FAAP20: variants seen among roughly 807,000 people sequenced by gnomAD.
The protein encoded by FAAP20 is FA core complex associated protein 20, also known as Fanconi anemia core complex-associated protein 20.
Under a neutral mutation model 16.2 loss-of-function variants are expected in FAAP20, and 12 were observed. The observed-to-expected ratio is 0.74, with a 90% CI of 0.48 to 1.20. The LOEUF (loss-of-function observed/expected upper bound fraction) is 1.20. Among genes scored for constraint, FAAP20 ranks in the 50% most tolerant of loss-of-function variants. The probability of loss-of-function intolerance (pLI) is 0.00; values close to 1 mark genes in which losing one functional copy is unlikely to be tolerated. For missense variants in FAAP20, 288 were observed against 245.8 expected (o/e 1.17, Z -1.15); for synonymous variants, 141 against 110.7 (o/e 1.27, Z -1.72).
downstream of FAAP20, chr1:2,189,428 G>C: frequency 1.9e-6 from 1 of 518,200 alleles, no homozygotes; most frequent in Non-Finnish European, 3.5e-6. Flanking sequence ...CCCGTCCGCT[G>C]TCCACAGTGG....
downstream of FAAP20, chr1:2,185,020 G>A (rs375333957): frequency 5.2e-5 from 84 of 1,605,646 alleles, no homozygotes; most frequent in Non-Finnish European, 6.8e-5. Context: ...GGCCGCGTGC[G>A]TCTCTGTCGT....
chr1:2,202,490 G>A (rs540132577), upstream of FAAP20, among the ~76,000 whole-genome samples: 3 of 152,142 alleles, frequency 2.0e-5, no homozygotes, highest in East Asian at 5.8e-4. Context: ...TTGAGACAGA[G>A]TCTCCCTCTG....
chr1:2,211,616 T>G (rs1689449809), downstream of FAAP20, among the ~76,000 whole-genome samples: 1 of 149,164 alleles, frequency 6.7e-6, no homozygotes, highest in South Asian at 2.1e-4. Context: ...CCCGGCTAAT[T>G]TTTGTTATAT....
At chr1:2,208,925 G>T (rs1354052501), downstream of FAAP20, among the ~76,000 whole-genome samples, 2 of 152,192 alleles carry the variant, frequency 1.3e-5, no homozygotes, top group African/African-American at 4.8e-5. Context: ...GTGGAGGGAT[G>T]GGGAGTCATG....
chr1:2,186,502 C>CT (rs1358698998), downstream of FAAP20, among the ~76,000 whole-genome samples: 1 of 149,620 alleles, frequency 6.7e-6, no homozygotes, highest in Non-Finnish European at 1.5e-5. Flanking sequence ...ACCCGCCCCC[C>CT]CCCGGCCAGC....
At chr1:2,189,011 GAAA>G (rs71578368), downstream of FAAP20, among the ~76,000 whole-genome samples, 1 of 105,914 alleles carries the variant, frequency 9.4e-6, no homozygotes, top group Non-Finnish European at 2.0e-5. Flanking sequence ...TCTCAAAAAA[GAAA>G]AAAAAAAAAA....
chr1:2,205,127 A>C (rs1477357963), intron 3 of FAAP20, among the ~76,000 whole-genome samples: 3 of 8,838 alleles, frequency 3.4e-4, no homozygotes, highest in African/African-American at 9.9e-4. Context: ...CAGGCGCCCC[A>C]CGCCCCACCC....
intron 3 of FAAP20, among the ~76,000 whole-genome samples, chr1:2,205,495 C>G (rs2100754561): frequency 6.6e-6 from 1 of 152,016 alleles, no homozygotes; most frequent in East Asian, 2.0e-4. Context: ...GTTCTGCGAC[C>G]TCCAGGGCGA....
intron 1 of FAAP20, 81 bp downstream of exon 1, chr1:2,194,607 G>C (rs1688681382): frequency 1.3e-6 from 1 of 762,660 alleles, no homozygotes; most frequent in South Asian, 6.0e-5. Context: ...GGGGAGAATA[G>C]AGCGGGAGGC....
upstream of FAAP20, among the ~76,000 whole-genome samples, chr1:2,202,865 C>T (rs1689102432): frequency 6.6e-6 from 1 of 152,232 alleles, no homozygotes; most frequent in Non-Finnish European, 1.5e-5. Context: ...AATCCTCCTG[C>T]CTTGGCCTCC....
downstream of FAAP20, among the ~76,000 whole-genome samples, chr1:2,209,744 C>G (rs1015431166): frequency 6.6e-6 from 1 of 152,212 alleles, no homozygotes; most frequent in Non-Finnish European, 1.5e-5. Context: ...GACTATGGGC[C>G]ACTCGTCCAG....
intron 1 of FAAP20, 117 bp downstream of exon 1, chr1:2,194,571 G>A (rs1450003094): frequency 4.8e-6 from 2 of 418,692 alleles, no homozygotes; most frequent in Non-Finnish European, 6.9e-6. Context: ...TGGGGGCCGG[G>A]CCCGGGGGCA....
At chr1:2,202,016 C>CAAA (rs759592309), upstream of FAAP20, among the ~76,000 whole-genome samples, 4 of 61,782 alleles carry the variant, frequency 6.5e-5, no homozygotes, top group Non-Finnish European at 1.0e-4. Context: ...GACTCTGTCT[C>CAAA]AAAAAAAAAA....
At chr1:2,205,966 G>C (rs1215656110) in intron 3 of FAAP20, among the ~76,000 whole-genome samples, 1 of 152,268 alleles carries the variant, frequency 6.6e-6, no homozygotes, top group African/African-American at 2.4e-5. Flanking sequence ...CCGAGCTCTC[G>C]GCAGGGATGG....
At chr1:2,211,973 G>A (rs1432394495), downstream of FAAP20, among the ~76,000 whole-genome samples, 1 of 146,178 alleles carries the variant, frequency 6.8e-6, no homozygotes, top group Admixed American at 7.0e-5. Flanking sequence ...TGTGATCTCG[G>A]CTCACTGCAA....
intron 3 of FAAP20, chr1:2,192,164 T>G: frequency 1.0e-6 from 1 of 985,766 alleles, no homozygotes; most frequent in Non-Finnish European, 1.2e-6. Flanking sequence ...TGGGGTCCTG[T>G]GCGGTCAGGA....
chr1:2,194,812 CGCCCCG>C (rs1464538382), upstream of FAAP20: 6 of 1,089,750 alleles, frequency 5.5e-6, no homozygotes, highest in Non-Finnish European at 6.7e-6. Flanking sequence ...GCCCCGCCCC[CGCCCCG>C]GCCCCGCCTC....
downstream of FAAP20, among the ~76,000 whole-genome samples, chr1:2,211,900 CTTTTTTTTT>C (rs60874812): frequency 1.0e-5 from 1 of 99,014 alleles, no homozygotes; most frequent in Non-Finnish European, 1.8e-5. Context: ...CAAGCTGCTG[CTTTTTTTTT>C]TTTTTTTTTT....
At chr1:2,211,387 G>C (rs1262300095), downstream of FAAP20, among the ~76,000 whole-genome samples, 2 of 97,740 alleles carry the variant, frequency 2.0e-5, no homozygotes, top group Admixed American at 1.3e-4. Context: ...CTGCCACCAC[G>C]CCTGGCTAAT....
Sources: gnomAD v4.1 joint callset for allele counts (sites outside exome capture counted in the v4.1 genomes callset) on GRCh38, gnomAD v4.1.1 for gene constraint, MANE v1.5 for transcripts, NCBI Gene and HGNC (gene_info 2026-07-23, HGNC 2026-07-21) for gene names.